NRG1: variants seen among roughly 807,000 people sequenced by gnomAD.
The protein encoded by NRG1 is neuregulin 1, also known as pro-neuregulin-1, membrane-bound isoform.
Under a neutral mutation model 63.8 loss-of-function variants are expected in NRG1, and 18 were observed. The observed-to-expected ratio is 0.28, with a 90% CI of 0.19 to 0.42. The LOEUF (loss-of-function observed/expected upper bound fraction) is 0.42. Among genes scored for constraint, NRG1 ranks in the 10% least tolerant of loss-of-function variants. NRG1 has a pLI of 1.00. For synonymous variants in NRG1, 302 were observed against 301.3 expected (o/e 1.00, Z -0.02); for missense variants, 762 against 814.7 (o/e 0.94, Z 0.79).
At chr8:32,530,104 T>A (rs1831288622) in intron 1 of NRG1, among the ~76,000 whole-genome samples, 1 of 151,810 alleles carries the variant, frequency 6.6e-6, no homozygotes. Flanking sequence ...TCCATTATAA[T>A]CCTTTTTTTT....
chr8:31,738,687 G>C (rs1242238371), intron 1 of NRG1, among the ~76,000 whole-genome samples: 1 of 152,042 alleles, frequency 6.6e-6, no homozygotes, highest in Non-Finnish European at 1.5e-5. Flanking sequence ...TCCCTGTGGG[G>C]TTCTGGCAGA....
At chr8:32,231,946 C>G (rs985124555) in intron 1 of NRG1, among the ~76,000 whole-genome samples, 1 of 151,832 alleles carries the variant, frequency 6.6e-6, no homozygotes, top group Non-Finnish European at 1.5e-5. Flanking sequence ...TTCCATTACC[C>G]AGACTGGAGT....
At chr8:31,681,404 A>G (rs905248734) in intron 1 of NRG1, among the ~76,000 whole-genome samples, 1 of 152,086 alleles carries the variant, frequency 6.6e-6, no homozygotes, top group Non-Finnish European at 1.5e-5. Context: ...ACAAATGGCT[A>G]AAACTAATAT....
chr8:31,938,766 C>T (rs1242460429), intron 1 of NRG1, among the ~76,000 whole-genome samples: 2 of 152,080 alleles, frequency 1.3e-5, no homozygotes, highest in African/African-American at 4.8e-5. Context: ...ATGCAAAATG[C>T]ACTGGAAAGT....
chr8:32,246,230 A>C (rs1342620425), intron 1 of NRG1, among the ~76,000 whole-genome samples: 2 of 152,210 alleles, frequency 1.3e-5, no homozygotes, highest in African/African-American at 4.8e-5. Context: ...AGTTTCAGTT[A>C]GTTTAAGAGA....
At chr8:32,193,854 G>A (rs1007544046) in intron 1 of NRG1, among the ~76,000 whole-genome samples, 3 of 152,352 alleles carry the variant, frequency 2.0e-5, no homozygotes, top group African/African-American at 2.4e-5. Flanking sequence ...AGAATGCCAT[G>A]TGATGCCTGG....
At chr8:32,288,459 GC>G (rs747667697) in intron 1 of NRG1, among the ~76,000 whole-genome samples, 41 of 152,102 alleles carry the variant, frequency 2.7e-4, no homozygotes, top group Non-Finnish European at 4.3e-4. Context: ...GACTTTAAAA[GC>G]CCATTCCACT....
chr8:32,676,422 C>T (rs996519259), intron 5 of NRG1, among the ~76,000 whole-genome samples: 1 of 152,150 alleles, frequency 6.6e-6, no homozygotes, highest in Non-Finnish European at 1.5e-5. Context: ...TTGTCTTTCT[C>T]ATAATTATGT....
chr8:32,248,854 AAATC>A (rs1848827249), intron 1 of NRG1, among the ~76,000 whole-genome samples: 1 of 152,132 alleles, frequency 6.6e-6, no homozygotes, highest in South Asian at 2.1e-4. Flanking sequence ...TATTTTTACT[AAATC>A]AACCTCATTA....
At chr8:32,627,341 A>G (rs989516144) in intron 5 of NRG1, among the ~76,000 whole-genome samples, 4 of 152,240 alleles carry the variant, frequency 2.6e-5, no homozygotes, top group Non-Finnish European at 5.9e-5. Context: ...TGACTATAGT[A>G]TGGTAAGTTG....
chr8:31,841,961 C>A (rs1826239770), intron 1 of NRG1, among the ~76,000 whole-genome samples: 1 of 152,226 alleles, frequency 6.6e-6, no homozygotes, highest in African/African-American at 2.4e-5. Context: ...CCAATATGTA[C>A]AAGAGACAGA....
chr8:32,055,017 TGCTGGGTCTACAG>T (rs1563732082), intron 1 of NRG1, among the ~76,000 whole-genome samples: 6 of 151,304 alleles, frequency 4.0e-5, no homozygotes, highest in African/African-American at 1.5e-4. Context: ...CCTCCCGAGT[TGCTGGGTCTACAG>T]GCATATGCCA....
chr8:31,653,231 G>A (rs1270997460), intron 1 of NRG1, among the ~76,000 whole-genome samples: 1 of 151,734 alleles, frequency 6.6e-6, no homozygotes, highest in East Asian at 1.9e-4. Context: ...AGTAGTAAAT[G>A]CTATTTTCAA....
At chr8:31,675,425 A>G (rs1050843647) in intron 1 of NRG1, among the ~76,000 whole-genome samples, 2 of 152,208 alleles carry the variant, frequency 1.3e-5, no homozygotes, top group Admixed American at 1.3e-4. Context: ...AGCTTTACTG[A>G]GGGCTGATAT....
At chr8:31,840,001 G>T (rs1216668947) in intron 1 of NRG1, among the ~76,000 whole-genome samples, 3 of 152,158 alleles carry the variant, frequency 2.0e-5, no homozygotes, top group Non-Finnish European at 4.4e-5. Context: ...TAGAATAACA[G>T]AATTGTTTTG....
intron 1 of NRG1, among the ~76,000 whole-genome samples, chr8:31,875,338 C>A (rs1829829752): frequency 6.6e-6 from 1 of 152,066 alleles, no homozygotes; most frequent in South Asian, 2.1e-4. Context: ...CCAGACTGGG[C>A]AGGGAGTCTG....
intron 1 of NRG1, among the ~76,000 whole-genome samples, chr8:32,414,291 G>T (rs1230937237): frequency 6.6e-6 from 1 of 152,132 alleles, no homozygotes; most frequent in Non-Finnish European, 1.5e-5. Flanking sequence ...AAAAACACAA[G>T]ATGAGTCTGT....
At chr8:31,817,488 T>C (rs1204056370) in intron 1 of NRG1, among the ~76,000 whole-genome samples, 3 of 152,234 alleles carry the variant, frequency 2.0e-5, no homozygotes, top group Non-Finnish European at 2.9e-5. Context: ...TTATTACATG[T>C]GCAAAGTCAG....
chr8:32,214,207 T>A (rs551737047), intron 1 of NRG1, among the ~76,000 whole-genome samples: 1 of 152,140 alleles, frequency 6.6e-6, no homozygotes, highest in Non-Finnish European at 1.5e-5. Context: ...ATAGCTGTTT[T>A]CTCTCAAAAT....
Sources: gnomAD v4.1 joint callset for allele counts (sites outside exome capture counted in the v4.1 genomes callset) on GRCh38, gnomAD v4.1.1 for gene constraint, MANE v1.5 for transcripts, NCBI Gene and HGNC (gene_info 2026-07-23, HGNC 2026-07-21) for gene names.